Variants in CADPS observed in about 807,000 individuals in gnomAD.
CADPS encodes the protein calcium-dependent secretion activator 1.
A neutral mutation model predicts 167.3 loss-of-function variants in CADPS; 57 were observed. The ratio of observed to expected loss-of-function variants is 0.34; its 90% CI spans 0.28 to 0.42. CADPS has a LOEUF of 0.42. CADPS is among the 20% of genes least tolerant of loss of function. The probability of loss-of-function intolerance (pLI) is 1.00; values close to 1 mark genes in which losing one functional copy is unlikely to be tolerated. For synonymous variants in CADPS, 676 were observed against 635.3 expected (o/e 1.06, Z -0.96); for missense variants, 1,414 against 1,738.1 (o/e 0.81, Z 3.32).
At chr3:62,826,072 G>A (rs748587333) in intron 1 of CADPS, among the ~76,000 whole-genome samples, 6 of 152,164 alleles carry the variant, frequency 3.9e-5, no homozygotes, top group Non-Finnish European at 8.8e-5. Context: ...ATCCTAATGT[G>A]ACCTTGGGAC....
chr3:62,759,016 T>G (rs530696079), intron 2 of CADPS, among the ~76,000 whole-genome samples: 2 of 152,284 alleles, frequency 1.3e-5, no homozygotes, highest in South Asian at 4.1e-4. Flanking sequence ...CATCTAGATG[T>G]TGGAGTAAGT....
chr3:62,855,071 C>T (rs569398639), intron 1 of CADPS, among the ~76,000 whole-genome samples: 5 of 148,826 alleles, frequency 3.4e-5, no homozygotes, highest in East Asian at 2.0e-4. Flanking sequence ...ACTACAGGCA[C>T]GTGCCATCAT....
At chr3:62,815,169 G>C (rs1356579928) in intron 1 of CADPS, among the ~76,000 whole-genome samples, 4 of 151,990 alleles carry the variant, frequency 2.6e-5, no homozygotes, top group African/African-American at 9.7e-5. Flanking sequence ...ATTAATCATG[G>C]CAATACAGAT....
intron 6 of CADPS, among the ~76,000 whole-genome samples, chr3:62,594,362 C>T (rs1023449901): frequency 6.6e-6 from 1 of 151,666 alleles, no homozygotes; most frequent in Admixed American, 6.6e-5. Context: ...GCGGTTTCAC[C>T]GTTTTAGCCG....
chr3:62,736,305 T>A (rs775395664), intron 3 of CADPS, among the ~76,000 whole-genome samples: 2 of 152,208 alleles, frequency 1.3e-5, no homozygotes, highest in Non-Finnish European at 2.9e-5. Context: ...CACGACCTGA[T>A]ACCATTTCCC....
At chr3:62,471,281 T>C (rs1306030099) in intron 24 of CADPS, among the ~76,000 whole-genome samples, 5 of 152,136 alleles carry the variant, frequency 3.3e-5, no homozygotes, top group Admixed American at 2.6e-4. Flanking sequence ...CAATTAGTGG[T>C]AAAGAGAAAA....
At chr3:62,784,456 C>T (rs1476132288) in intron 1 of CADPS, among the ~76,000 whole-genome samples, 1 of 152,050 alleles carries the variant, frequency 6.6e-6, no homozygotes, top group Non-Finnish European at 1.5e-5. Flanking sequence ...TACTCTTCAC[C>T]CTGTTGCAAC....
At chr3:62,526,123 T>C (rs2072129660) in intron 13 of CADPS, among the ~76,000 whole-genome samples, 1 of 151,998 alleles carries the variant, frequency 6.6e-6, no homozygotes, top group Non-Finnish European at 1.5e-5. Context: ...CCTGGCAGAG[T>C]AACAGGAGAA....
intron 1 of CADPS, among the ~76,000 whole-genome samples, chr3:62,789,925 T>C (rs1021724210): frequency 1.3e-5 from 2 of 152,094 alleles, no homozygotes; most frequent in Admixed American, 6.6e-5. Context: ...ATGTGTTTGG[T>C]CCTATTCTAA....
chr3:62,625,089 G>A (rs543879197), intron 6 of CADPS: 6 of 150,292 alleles, frequency 4.0e-5, no homozygotes, highest in Admixed American at 2.6e-4. Flanking sequence ...AGGCACTTAG[G>A]GTCTTTGCTC....
chr3:62,651,680 G>A (rs892919038), intron 4 of CADPS, among the ~76,000 whole-genome samples: 30 of 152,256 alleles, frequency 2.0e-4, no homozygotes, highest in African/African-American at 6.7e-4. Context: ...TATCATAACT[G>A]ACCTCTATTT....
At chr3:62,721,215 T>G (rs997895705) in intron 3 of CADPS, among the ~76,000 whole-genome samples, 2 of 151,230 alleles carry the variant, frequency 1.3e-5, no homozygotes, top group Non-Finnish European at 2.9e-5. Flanking sequence ...AAAGTGCTTC[T>G]GCTCATCAGA....
intron 6 of CADPS, chr3:62,626,432 A>C: frequency 4.3e-6 from 3 of 694,134 alleles, no homozygotes; most frequent in Non-Finnish European, 7.9e-6. Context: ...ACTATAGTGA[A>C]ATTATTCAGT....
chr3:62,797,615 GA>G (rs1274292314), intron 1 of CADPS, among the ~76,000 whole-genome samples: 1 of 152,096 alleles, frequency 6.6e-6, no homozygotes, highest in Non-Finnish European at 1.5e-5. Flanking sequence ...GCTAAATGAT[GA>G]GAACACATGG....
Position 62,687,652 on chromosome 3 carries a change from C to T in CADPS, c.889-25258G>A, listed in dbSNP as rs562663036. On this transcript the variant is annotated intron_variant, in intron 3 of 29. Transcript: ENST00000383710. ...TACTTTTTCTTTCTGCTAATATTATCTATTGTGTATACTGAAATCTTATCC... is the reference window on the plus strand; with the variant it reads ...TACTTTTTCTTTCTGCTAATATTATTTATTGTGTATACTGAAATCTTATCC... Among the ~76,000 whole-genome samples, 6 of 150,308 alleles carry T rather than the reference C, an allele frequency of 4.0e-5. No individual in the cohort carries two copies. In the East Asian group the frequency reaches 9.8e-4, roughly 25 times the overall value.
chr3:62,550,895 G>C lies in CADPS; in HGVS notation c.1754-780C>G, dbSNP rs1294085117. The C allele has an allele frequency of 6.6e-6, 3 of 456,504 alleles. No homozygotes were observed. The Admixed American group carries it at 7.1e-5, about 11-fold the overall frequency. The allele number at this position is 456,504 out of a possible 1,614,324, so 28.3% of individuals were successfully genotyped here. ...CTCTTCAAGATGCTTTCTTTACTTA[G>C]CTTTCAGGAGGAAACCCTGACTTTC... On this transcript the variant is annotated intron_variant, in intron 10 of 29. Coordinates refer to ENST00000383710, the MANE Select transcript of CADPS (RefSeq NM_003716.4).
intron 4 of CADPS, among the ~76,000 whole-genome samples, chr3:62,655,888 G>A (rs1395121649): frequency 6.6e-6 from 1 of 152,102 alleles, no homozygotes; most frequent in Admixed American, 6.6e-5. Flanking sequence ...GTGATGGTAT[G>A]GGGGGACATG....
At chr3:62,751,630 AGGCT>A (rs953994785) in intron 3 of CADPS, among the ~76,000 whole-genome samples, 1 of 152,116 alleles carries the variant, frequency 6.6e-6, no homozygotes, top group African/African-American at 2.4e-5. Context: ...CATGTTGGCC[AGGCT>A]GGTCTTGAAC....
At chr3:62,460,620 T>C (rs754492634) in intron 26 of CADPS, among the ~76,000 whole-genome samples, 14 of 152,212 alleles carry the variant, frequency 9.2e-5, no homozygotes, top group African/African-American at 3.4e-4. Flanking sequence ...GTTTGGGCTT[T>C]AGACCCAGGT....
Sources: allele counts gnomAD v4.1 joint callset (sites outside exome capture counted in the v4.1 genomes callset), GRCh38; gene constraint gnomAD v4.1.1; transcripts MANE v1.5; gene names NCBI Gene and HGNC (gene_info 2026-07-23, HGNC 2026-07-21).